L3MBTL3: variants seen among roughly 807,000 people sequenced by gnomAD.
The protein encoded by L3MBTL3 is lethal(3)malignant brain tumor-like protein 3.
In L3MBTL3, 27 loss-of-function variants were observed where a neutral mutation model predicts 102.3. The ratio of observed to expected loss-of-function variants is 0.26; its 90% CI spans 0.19 to 0.36. L3MBTL3 has a LOEUF of 0.36. Among genes scored for constraint, L3MBTL3 ranks in the 10% least tolerant of loss-of-function variants. The pLI is 1.00. For missense variants in L3MBTL3, 798 were observed against 955.3 expected, an observed-to-expected ratio of 0.84 and a Z score of 2.17; for synonymous variants, 340 against 320.9, an observed-to-expected ratio of 1.06 and a Z score of -0.64.
chr6:130,039,472 T>C (rs34614731), intron 2 of L3MBTL3, among the ~76,000 whole-genome samples: 9,848 of 152,168 alleles, frequency 0.065, 473 homozygotes, highest in Non-Finnish European at 0.1. Flanking sequence ...TCCCTTTTCA[T>C]CTAAATTTCA....
chr6:130,127,277 C>T (rs575119685), intron 20 of L3MBTL3, among the ~76,000 whole-genome samples: 2 of 152,108 alleles, frequency 1.3e-5, no homozygotes, highest in Non-Finnish European at 2.9e-5. Flanking sequence ...TAAGGAAATT[C>T]TAGAGAACTT....
At chr6:130,062,555 ATTTT>A (rs1175015608) in intron 10 of L3MBTL3, among the ~76,000 whole-genome samples, 3 of 124,226 alleles carry the variant, frequency 2.4e-5, no homozygotes, top group African/African-American at 3.0e-5. Flanking sequence ...GCCCAGCTAA[ATTTT>A]TTTTTTTTTT....
Position 130,092,855 on chromosome 6 carries a change from T to C in L3MBTL3, c.1629T>C (p.Pro543=). The part of the protein sequence containing the change: ...CSKTGHPLQP[P]LSPLELMEAS... ...AAACAGGACATCCCCTTCAGCCTCC[T>C]TTGAGTAAGAGACACGAATAGCTTG... Residue 543 remains proline (P), a synonymous_variant, in exon 17 of 23, where the codon CCT becomes CCC. Coordinates refer to ENST00000361794, the MANE Select transcript of L3MBTL3 (RefSeq NM_032438.4). The C allele has an allele frequency of 1.3e-6, 2 of 1,569,432 alleles. No homozygotes were observed. Among genetic ancestry groups the C allele is most frequent in the South Asian group, 1.1e-5 (1 of 90,102 alleles).
intron 16 of L3MBTL3, among the ~76,000 whole-genome samples, chr6:130,089,150 T>C (rs1022566593): frequency 6.6e-6 from 1 of 152,072 alleles, no homozygotes; most frequent in Non-Finnish European, 1.5e-5. Flanking sequence ...ATGTGCCGTG[T>C]TGGTTTACTG....
intron 15 of L3MBTL3, among the ~76,000 whole-genome samples, chr6:130,085,740 T>C (rs1470582441): frequency 6.6e-6 from 1 of 152,172 alleles, no homozygotes; most frequent in Non-Finnish European, 1.5e-5. Flanking sequence ...ATTCTCTAAA[T>C]AGCCCAGCTA....
chr6:130,043,858 G>A (rs949726291), intron 3 of L3MBTL3, among the ~76,000 whole-genome samples: 2 of 152,178 alleles, frequency 1.3e-5, no homozygotes, highest in African/African-American at 4.8e-5. Context: ...GTTTAATTAA[G>A]TGTAATGTGC....
At chr6:130,124,083 C>T (rs909590231) in intron 20 of L3MBTL3, among the ~76,000 whole-genome samples, 1 of 152,176 alleles carries the variant, frequency 6.6e-6, no homozygotes, top group Admixed American at 6.5e-5. Context: ...TAGCAGAGGC[C>T]TTAGCCCATC....
chr6:130,031,472 T>C (rs1031166405), intron 2 of L3MBTL3, among the ~76,000 whole-genome samples: 3 of 152,248 alleles, frequency 2.0e-5, no homozygotes, highest in African/African-American at 4.8e-5. Context: ...CCACAGATGG[T>C]TGCACATCGA....
Position 130,084,288 on chromosome 6 carries a change from T to G in L3MBTL3, c.1407+583T>G, listed in dbSNP as rs116612233. The stretch of plus-strand genomic sequence containing the variant: ...AAGAAGTGAAATATATTTCTCATTT[T>G]TTCATCTCAAATAGCTTGCTTTATG... On this transcript the variant is annotated intron_variant, in intron 15 of 22. Transcript: ENST00000361794. 2.1e-3 allele frequency among the ~76,000 whole-genome samples: 320 copies of G among 152,266 alleles called. 1 individual carries two copies. The highest frequency in any genetic ancestry group is 7.5e-3 in the African/African-American group (312 of 41,572).
chr6:130,060,210 T>C, intron 10 of L3MBTL3, 70 bp downstream of exon 10: 2 of 862,162 alleles, frequency 2.3e-6, no homozygotes, highest in Non-Finnish European at 3.6e-6. Flanking sequence ...GAGGAAAAAC[T>C]GCCATTGGTT....
chr6:130,078,387 G>A (rs1584385671), intron 13 of L3MBTL3, among the ~76,000 whole-genome samples, 171 bp from the exon 14 acceptor site: 1 of 152,036 alleles, frequency 6.6e-6, no homozygotes, highest in East Asian at 1.9e-4. Context: ...AATCCACTTG[G>A]TATTAATATA....
At chr6:130,103,916 G>T (rs760710909) in intron 18 of L3MBTL3, among the ~76,000 whole-genome samples, 1 of 152,138 alleles carries the variant, frequency 6.6e-6, no homozygotes, top group Non-Finnish European at 1.5e-5. Flanking sequence ...ATCAGGCATA[G>T]GTCCAGACCT....
chr6:130,058,999 G>C (rs1286887649), intron 9 of L3MBTL3, among the ~76,000 whole-genome samples: 3 of 152,068 alleles, frequency 2.0e-5, no homozygotes, highest in African/African-American at 7.2e-5. Context: ...TTTAAATATA[G>C]TAGTAATTAC....
At chr6:130,022,027 G>A (rs1779051693) in intron 1 of L3MBTL3, among the ~76,000 whole-genome samples, 200 bp from the exon 2 acceptor site, 1 of 152,160 alleles carries the variant, frequency 6.6e-6, no homozygotes, top group Non-Finnish European at 1.5e-5. Flanking sequence ...TTAGGACATG[G>A]GAATGATACG....
At chr6:130,022,349 A>G (rs1779069386) in intron 2 of L3MBTL3, 44 bp downstream of exon 2, 1 of 152,236 alleles carries the variant, frequency 6.6e-6, no homozygotes, top group African/African-American at 2.4e-5. Context: ...ATACCTGCAA[A>G]TGTTAAAAAG....
chr6:130,032,851 G>C (rs1779814495), intron 2 of L3MBTL3, among the ~76,000 whole-genome samples: 1 of 152,156 alleles, frequency 6.6e-6, no homozygotes, highest in Non-Finnish European at 1.5e-5. Flanking sequence ...ACATTAGCCA[G>C]CTGTGGTGGT....
chr6:130,043,352 A>G (rs1780544811), intron 3 of L3MBTL3, among the ~76,000 whole-genome samples: 1 of 152,228 alleles, frequency 6.6e-6, no homozygotes, highest in African/African-American at 2.4e-5. Flanking sequence ...GCCTAAGTAT[A>G]GATGAGAACT....
chr6:130,045,349 C>G (rs904521601), intron 3 of L3MBTL3, among the ~76,000 whole-genome samples: 2 of 152,208 alleles, frequency 1.3e-5, no homozygotes, highest in Non-Finnish European at 2.9e-5. Context: ...CTTCTCCACA[C>G]TGGGCTATCG....
chr6:130,110,631 C>G (rs1033665297), intron 19 of L3MBTL3, among the ~76,000 whole-genome samples: 1 of 152,126 alleles, frequency 6.6e-6, no homozygotes, highest in African/African-American at 2.4e-5. Context: ...ACAATCATGT[C>G]GTCCACAAAC....
Sources: gnomAD v4.1 joint callset for allele counts (sites outside exome capture counted in the v4.1 genomes callset) on GRCh38, gnomAD v4.1.1 for gene constraint, MANE v1.5 for transcripts, NCBI Gene and HGNC (gene_info 2026-07-23, HGNC 2026-07-21) for gene names.